Variants in ZNF334 observed in about 807,000 individuals in gnomAD.
ZNF334 encodes the protein zinc finger protein 334.
Under a neutral mutation model 12.4 loss-of-function variants are expected in ZNF334, and 14 were observed. That is an observed-to-expected ratio of 1.13 (90% CI 0.74 to 1.76). The LOEUF is 1.76. ZNF334 is among the 40% of genes most tolerant of loss of function. The pLI is 0.00. For synonymous variants in ZNF334, 273 were observed against 269.6 expected (o/e 1.01, Z -0.12); for missense variants, 797 against 804.5 (o/e 0.99, Z 0.11).
chr20:46,465,920 C>CTCCA, the ZNF334 span, among the ~76,000 whole-genome samples: 1 of 151,748 alleles, frequency 6.6e-6, no homozygotes, highest in Non-Finnish European at 1.5e-5. Flanking sequence ...GTGCCACTTA[C>CTCCA]TCCAGCCTGA....
At chr20:46,463,997 A>T in the ZNF334 span, 3 of 628,516 alleles carry the variant, frequency 4.8e-6, no homozygotes, top group Non-Finnish European at 9.3e-6. Flanking sequence ...AGCATAAGCA[A>T]CATCTCACCC....
Position 46,502,634 on chromosome 20 carries a change from T to C in ZNF334, c.705A>G (p.Lys235=), listed in dbSNP as rs747475650. 17 of 1,612,874 alleles carry C rather than the reference T, an allele frequency of 1.1e-5. 1 individual carries two copies. The highest frequency in any genetic ancestry group is 1.6e-4 in the Middle Eastern group (1 of 6,084). The change falls in exon 5 of 5, where the codon AAA becomes AAG. Residue 235 remains lysine, a synonymous_variant. Transcript: ENST00000692313. ...ITQKGRQTER[K]PNECNECRKT... ...TCCTACATTCATTACATTCATTTGG[T>C]TTCCTTTCAGTCTGTCTCCCCTTTT...
At chr20:46,487,994 T>C in the ZNF334 span, among the ~76,000 whole-genome samples, 1 of 152,204 alleles carries the variant, frequency 6.6e-6, no homozygotes, top group Non-Finnish European at 1.5e-5. Context: ...TGCTGGCATC[T>C]AGGGTGTAAC....
the ZNF334 span, among the ~76,000 whole-genome samples, chr20:46,484,263 A>G: frequency 5.3e-5 from 8 of 152,296 alleles, no homozygotes; most frequent in Middle Eastern, 3.4e-3. Context: ...TTACTTTATC[A>G]TAAGTAATTT....
In ZNF334 at chr20:46,506,293, CTATAA is replaced by C. The variant is rs774496188; in HGVS notation, c.22-1558_22-1554del. ...AAAAAAGCAAAGTATTAAAGAATAT[CTATAA>C]TATATTACCTTTTATGTAAGAAAGG... On this transcript the variant is annotated intron_variant, in intron 2 of 4. Coordinates refer to ENST00000692313, the MANE Select transcript of ZNF334 (RefSeq NM_001353824.2). 8 of 616,510 alleles carry C rather than the reference CTATAA, an allele frequency of 1.3e-5. No homozygotes were observed. In the South Asian group the frequency reaches 1.3e-4, roughly 10 times the overall value. 38.2% of individuals were successfully genotyped at this position (616,510 alleles called of 1,614,324 possible). A position where few individuals can be genotyped will look rare whatever the true frequency, so the allele number is the denominator to read the frequency against.
the ZNF334 span, among the ~76,000 whole-genome samples, chr20:46,482,315 T>C: frequency 4.1e-4 from 62 of 152,190 alleles, no homozygotes; most frequent in Admixed American, 4.0e-3. Context: ...ACTGAGTAAA[T>C]GATGGAGATC....
At chr20:46,492,106 T>A in the ZNF334 span, 1 of 152,480 alleles carries the variant, frequency 6.6e-6, no homozygotes. Context: ...TTAACAAACA[T>A]CAGAAAACTC....
downstream of ZNF334, among the ~76,000 whole-genome samples, chr20:46,497,413 C>T (rs1020597133): frequency 2.6e-5 from 4 of 152,174 alleles, no homozygotes; most frequent in African/African-American, 9.7e-5. Context: ...CATAGGCAAA[C>T]CGTTAACATA....
chr20:46,475,454 G>C, the ZNF334 span, among the ~76,000 whole-genome samples: 2 of 152,120 alleles, frequency 1.3e-5, no homozygotes, highest in African/African-American at 4.8e-5. Flanking sequence ...CTTTTGCTCT[G>C]TGAAAGACAA....
At chr20:46,495,994 T>C (rs1391039569), downstream of ZNF334, among the ~76,000 whole-genome samples, 4 of 152,298 alleles carry the variant, frequency 2.6e-5, no homozygotes, top group Middle Eastern at 6.8e-3. Context: ...GATGCTTCTA[T>C]GGCTACATTG....
intron 3 of ZNF334, 92 bp from the exon 4 acceptor site, chr20:46,504,398 A>G (rs774893857): frequency 4.0e-6 from 5 of 1,255,294 alleles, no homozygotes; most frequent in Non-Finnish European, 5.7e-6. Context: ...AAGCTGTGCA[A>G]TGAAGATGCC....
chr20:46,491,755 T>C, the ZNF334 span: 3 of 152,914 alleles, frequency 2.0e-5, no homozygotes, highest in African/African-American at 7.2e-5. Flanking sequence ...GTACGACTTG[T>C]GAAAAAGCCT....
intron 2 of ZNF334, chr20:46,505,020 G>C (rs1394114809): frequency 3.6e-6 from 1 of 275,722 alleles, no homozygotes; most frequent in Non-Finnish European, 6.7e-6. Context: ...ATTCTGACAG[G>C]GTGACAAAAA....
chr20:46,466,287 T>C, the ZNF334 span, among the ~76,000 whole-genome samples: 4 of 152,062 alleles, frequency 2.6e-5, no homozygotes, highest in African/African-American at 7.2e-5. Flanking sequence ...ACTTAGAAAA[T>C]ACATTTGTTA....
intron 2 of ZNF334, chr20:46,506,257 G>T: frequency 2.0e-6 from 1 of 510,494 alleles, no homozygotes; most frequent in South Asian, 3.0e-5. Flanking sequence ...TCCATGAACT[G>T]ATATGAAGTG....
At chr20:46,490,327 G>A in the ZNF334 span, among the ~76,000 whole-genome samples, 3 of 152,052 alleles carry the variant, frequency 2.0e-5, no homozygotes, top group African/African-American at 4.8e-5. Flanking sequence ...TGACCCTGTC[G>A]CACAGTAAAA....
chr20:46,512,034 C>T (rs373725265), intron 2 of ZNF334, 48 bp downstream of exon 2: 2 of 1,598,438 alleles, frequency 1.3e-6, no homozygotes, highest in African/African-American at 2.7e-5. Flanking sequence ...CTCTAAACCT[C>T]TTGAAATTCA....
At chr20:46,496,933 A>C (rs2061034973), downstream of ZNF334, among the ~76,000 whole-genome samples, 1 of 152,266 alleles carries the variant, frequency 6.6e-6, no homozygotes, top group Admixed American at 6.5e-5. Context: ...CTTAGTGTTC[A>C]CTTTCACTAC....
chr20:46,508,996 T>G (rs2061542421), intron 2 of ZNF334, among the ~76,000 whole-genome samples: 1 of 152,168 alleles, frequency 6.6e-6, no homozygotes, highest in South Asian at 2.1e-4. Flanking sequence ...ATATCACAAA[T>G]GGCAATGCTA....
Sources: allele counts gnomAD v4.1 joint callset (sites outside exome capture counted in the v4.1 genomes callset), GRCh38; gene constraint gnomAD v4.1.1; transcripts MANE v1.5; gene names NCBI Gene and HGNC (gene_info 2026-07-23, HGNC 2026-07-21).